The following BPNT2 variants were observed in gnomAD, a reference collection of about 807,000 sequenced individuals.
The protein encoded by BPNT2 is Golgi-resident adenosine 3',5'-bisphosphate 3'-phosphatase.
A neutral mutation model predicts 29.3 loss-of-function variants in BPNT2; 11 were observed. That is an observed-to-expected ratio of 0.38 (90% CI 0.24 to 0.62). The LOEUF (loss-of-function observed/expected upper bound fraction) is 0.62, where lower values mean the gene tolerates loss of function less well. Ranked by LOEUF, BPNT2 falls within the 20% of genes least tolerant of loss-of-function variation. The probability of loss-of-function intolerance (pLI) is 0.62; values close to 1 mark genes in which losing one functional copy is unlikely to be tolerated. For synonymous variants in BPNT2, 195 were observed against 187.7 expected, an observed-to-expected ratio of 1.04 and a Z score of -0.32; for missense variants, 459 against 473.4, an observed-to-expected ratio of 0.97 and a Z score of 0.28.
chr8:56,972,181 G>T (rs1187534735), intron 3 of BPNT2, among the ~76,000 whole-genome samples: 1 of 152,006 alleles, frequency 6.6e-6, no homozygotes, highest in Non-Finnish European at 1.5e-5. Context: ...GGTAAAAAGT[G>T]ATCTTTTGTG....
rs189455085 is a variant in BPNT2 at position 56,959,166 on chromosome 8, C to T, written c.*4627G>A. ...GGAACCCTTACAATATATAACAAGT[C>T]ATTTCAATATTATTCATCATCCTTA... On this transcript the variant is annotated 3_prime_UTR_variant, in exon 5 of 5. Transcript: ENST00000262644. 7.9e-5 allele frequency: 12 copies of T among 152,242 alleles called. No individual in the cohort carries two copies. Among genetic ancestry groups the T allele is most frequent in the Admixed American group, 5.2e-4 (8 of 15,292 alleles). 9.4% of individuals were successfully genotyped at this position (152,242 alleles called of 1,614,324 possible).
intron 3 of BPNT2, among the ~76,000 whole-genome samples, chr8:56,970,177 A>T (rs1326466867): frequency 6.6e-6 from 1 of 152,200 alleles, no homozygotes; most frequent in Non-Finnish European, 1.5e-5. Context: ...TAGCAAAAAA[A>T]TAAAAATTTT....
In BPNT2 at chr8:56,961,433, A is replaced by T. The variant is rs1805831374; in HGVS notation, c.*2360T>A. Reference sequence around the variant, plus strand: ...AAATGAACTTTTTATAAAAGTACTTAAAAAAAATCATTAGTAACTAGACTA... The same window carrying T: ...AAATGAACTTTTTATAAAAGTACTTTAAAAAAATCATTAGTAACTAGACTA... On this transcript the variant is annotated 3_prime_UTR_variant, in exon 5 of 5. Coordinates refer to ENST00000262644, the MANE Select transcript of BPNT2 (RefSeq NM_017813.5). 6.6e-6 allele frequency: 1 copy of T among 151,154 alleles called. No individual in the cohort carries two copies. The highest frequency in any genetic ancestry group is 1.5e-5 in the Non-Finnish European group (1 of 68,004). The allele number at this position is 151,154 out of a possible 1,614,324, so 9.4% of individuals were successfully genotyped here. A position where few individuals can be genotyped will look rare whatever the true frequency, so the allele number is the denominator to read the frequency against.
Position 56,993,282 on chromosome 8 carries a change from C to T in BPNT2, c.304G>A (p.Ala102Thr). 1 of 1,611,618 alleles carries T rather than the reference C, an allele frequency of 6.2e-7. No homozygotes were observed. Reference protein sequence around the residue: ...EKSKGKTREGAEDKMTSGDVL... With the variant: ...EKSKGKTREGTEDKMTSGDVL... ...TCGCCGCTGGTCATCTTGTCCTCGG[C>T]TCCCTCGCGCGTCTTCCCCTTGGAC... The change falls in exon 1 of 5, where the codon GCC becomes ACC. Residue 102 changes from alanine to threonine, a missense_variant. Ala to Thr is a moderately conservative substitution (Grantham distance 58). Coordinates refer to ENST00000262644, the MANE Select transcript of BPNT2 (RefSeq NM_017813.5).
In BPNT2 at chr8:56,993,419, G is replaced by C; in HGVS notation, c.167C>G (p.Ala56Gly). 6.6e-7 allele frequency: 1 copy of C among 1,526,298 alleles called. No individual in the cohort carries two copies. Among genetic ancestry groups the C allele is most frequent in the Non-Finnish European group, 8.7e-7 (1 of 1,144,370 alleles). The allele number at this position is 1,526,298 out of a possible 1,614,324, so 94.5% of individuals were successfully genotyped here. ...GGGAAGPAAA[A>G]DGGTVDLREM... Reference sequence around the variant, plus strand: ...GCGCAAGTCCACGGTGCCCCCATCGGCCGCGGCCGCGGGCCCCGCCGCGCC... The same window carrying C: ...GCGCAAGTCCACGGTGCCCCCATCGCCCGCGGCCGCGGGCCCCGCCGCGCC... Residue 56 changes from alanine (A) to glycine (G), a missense_variant, in exon 1 of 5, where the codon GCC becomes GGC. By Grantham distance (60) the Ala-to-Gly change is moderately conservative. Coordinates refer to ENST00000262644, the MANE Select transcript of BPNT2 (RefSeq NM_017813.5).
intron 1 of BPNT2, among the ~76,000 whole-genome samples, chr8:56,990,151 A>C (rs1402251436): frequency 6.6e-6 from 1 of 152,242 alleles, no homozygotes; most frequent in Non-Finnish European, 1.5e-5. Flanking sequence ...TTATAGGTCA[A>C]GGAAGGCACA....
chr8:56,965,103 T>G (rs1302290344), intron 4 of BPNT2, among the ~76,000 whole-genome samples: 1 of 152,206 alleles, frequency 6.6e-6, no homozygotes, highest in East Asian at 1.9e-4. Context: ...GCAGACTGCC[T>G]GAGCTCAGGA....
intron 1 of BPNT2, among the ~76,000 whole-genome samples, chr8:56,987,780 G>A (rs1021044495): frequency 8.7e-5 from 13 of 150,092 alleles, no homozygotes; most frequent in African/African-American, 2.7e-4. Flanking sequence ...CCAGGCTGGA[G>A]TGCAGTGGTG....
intron 3 of BPNT2, among the ~76,000 whole-genome samples, chr8:56,977,671 T>G (rs1806165059): frequency 6.6e-6 from 1 of 152,014 alleles, no homozygotes; most frequent in Non-Finnish European, 1.5e-5. Flanking sequence ...GGGCGCTGAA[T>G]CCAATATGAC....
At chr8:56,984,001 T>C (rs1806287830) in intron 1 of BPNT2, among the ~76,000 whole-genome samples, 1 of 151,430 alleles carries the variant, frequency 6.6e-6, no homozygotes. Context: ...TGAATGAAGA[T>C]AACAGTAACA....
At chr8:56,981,810 G>T (rs1806248294) in intron 1 of BPNT2, among the ~76,000 whole-genome samples, 1 of 152,088 alleles carries the variant, frequency 6.6e-6, no homozygotes, top group Admixed American at 6.5e-5. Flanking sequence ...CTCTCAGCAG[G>T]ACAGGCTGTT....
intron 2 of BPNT2, among the ~76,000 whole-genome samples, chr8:56,979,300 C>A (rs981791054): frequency 6.6e-6 from 1 of 152,150 alleles, no homozygotes; most frequent in Non-Finnish European, 1.5e-5. Flanking sequence ...AAAGTCCCTG[C>A]ACGAGGGATG....
intron 1 of BPNT2, among the ~76,000 whole-genome samples, chr8:56,990,369 T>C (rs1194400661): frequency 6.6e-6 from 1 of 152,212 alleles, no homozygotes; most frequent in Non-Finnish European, 1.5e-5. Context: ...TTTTCATTGT[T>C]ACCTGCAAGG....
At chr8:56,992,790 G>A (rs1806439751) in intron 1 of BPNT2, among the ~76,000 whole-genome samples, 1 of 150,696 alleles carries the variant, frequency 6.6e-6, no homozygotes, top group South Asian at 2.1e-4. Context: ...GCTACTGGCA[G>A]GCCACCCAGA....
At chr8:56,980,817 T>TACACACAC (rs1343746473) in intron 1 of BPNT2, among the ~76,000 whole-genome samples, 14 of 67,900 alleles carry the variant, frequency 2.1e-4, no homozygotes, top group African/African-American at 9.8e-4. Flanking sequence ...CATACATACA[T>TACACACAC]ATACACACAC....
intron 1 of BPNT2, among the ~76,000 whole-genome samples, chr8:56,986,000 T>C (rs1020050011): frequency 3.3e-5 from 5 of 152,226 alleles, no homozygotes; most frequent in African/African-American, 1.2e-4. Flanking sequence ...GAATCACATA[T>C]CAACATCAAC....
chr8:56,987,091 G>T (rs1806337899), intron 1 of BPNT2, among the ~76,000 whole-genome samples: 1 of 152,134 alleles, frequency 6.6e-6, no homozygotes, highest in Admixed American at 6.5e-5. Context: ...AAAGTTCAAG[G>T]CCCCCAAACA....
At chr8:56,972,405 A>C (rs1806053944) in intron 3 of BPNT2, among the ~76,000 whole-genome samples, 1 of 152,252 alleles carries the variant, frequency 6.6e-6, no homozygotes, top group Non-Finnish European at 1.5e-5. Flanking sequence ...TCTCAAGATA[A>C]ATGAATACAG....
rs367974736 is a variant in BPNT2 at position 56,966,382 on chromosome 8, G to A, written c.647-30C>T. On this transcript the variant is annotated intron_variant, in intron 3 of 4. Transcript: ENST00000262644. ...AAAGCAAATATAATATCCATTAATGGCACTGAAGCTTTAAAACTAAAGGTT... is the reference window on the plus strand; with the variant it reads ...AAAGCAAATATAATATCCATTAATGACACTGAAGCTTTAAAACTAAAGGTT... The A allele has an allele frequency of 3.1e-6, 5 of 1,596,578 alleles. No homozygotes were observed. The African/African-American group carries it at 4.0e-5, about 13-fold the overall frequency.
Sources: allele counts gnomAD v4.1 joint callset (sites outside exome capture counted in the v4.1 genomes callset), GRCh38; gene constraint gnomAD v4.1.1; transcripts MANE v1.5; gene names NCBI Gene and HGNC (gene_info 2026-07-23, HGNC 2026-07-21).